Variants in SCAI observed in about 807,000 individuals in gnomAD.
SCAI encodes suppressor of cancer cell invasion.
SCAI carries 24 observed loss-of-function variants against 92.2 expected under a neutral mutation model. The ratio of observed to expected loss-of-function variants is 0.26; its 90% CI spans 0.19 to 0.37. The LOEUF is 0.37. SCAI is among the 10% of genes least tolerant of loss of function. SCAI has a pLI of 1.00. For missense variants in SCAI, 450 were observed against 736.2 expected (o/e 0.61, Z 4.50); for synonymous variants, 261 against 258.6 (o/e 1.01, Z -0.09).
At chr9:125,021,078 C>T (rs1832860862) in intron 6 of SCAI, among the ~76,000 whole-genome samples, 1 of 151,984 alleles carries the variant, frequency 6.6e-6, no homozygotes, top group African/African-American at 2.4e-5. Context: ...CAGAAAAGAA[C>T]TTAAAATATA....
chr9:124,988,590 T>C (rs1255127030), intron 14 of SCAI, among the ~76,000 whole-genome samples: 11 of 151,614 alleles, frequency 7.3e-5, no homozygotes, highest in Middle Eastern at 6.9e-3. Context: ...AATAGACAAA[T>C]GAAAAATCTC....
chr9:125,051,745 AAACT>A lies in SCAI; in HGVS notation c.230+4127_230+4130del, dbSNP rs567202909. Among the ~76,000 whole-genome samples, 18 of 152,352 alleles carry A rather than the reference AAACT, an allele frequency of 1.2e-4. No individual in the cohort carries two copies. In the South Asian group the frequency reaches 1.4e-3, roughly 12 times the overall value. ...TTTTTCTGATTTAAAAAATAACATA[AAACT>A]AACATTCCACTCCATACACAAAAAT... On this transcript the variant is annotated intron_variant, in intron 3 of 17. Coordinates refer to ENST00000336505, the MANE Select transcript of SCAI (RefSeq NM_001144877.3).
intron 14 of SCAI, among the ~76,000 whole-genome samples, chr9:124,982,305 C>T (rs1387212135): frequency 6.6e-6 from 1 of 152,092 alleles, no homozygotes; most frequent in African/African-American, 2.4e-5. Context: ...TGTGGCCTAA[C>T]TGCTACAGAA....
intron 3 of SCAI, among the ~76,000 whole-genome samples, chr9:125,055,294 G>A (rs1237314183): frequency 6.6e-6 from 1 of 151,970 alleles, no homozygotes; most frequent in African/African-American, 2.4e-5. Context: ...GAAGCTTTAG[G>A]TCTGAAGTCA....
chr9:125,142,695 AAGAC>A lies in SCAI; in HGVS notation c.54-22_54-19del, dbSNP rs1225481713. On this transcript the variant is annotated intron_variant, in intron 1 of 17. Coordinates refer to ENST00000336505, the MANE Select transcript of SCAI (RefSeq NM_001144877.3). ...CAGTCAGTCTGCAGACCAAACAAAT[AAGAC>A]GGTAACTAAAAGTAACATACAAGAA... 6.2e-7 allele frequency: 1 copy of A among 1,611,292 alleles called. No homozygotes were observed. Among genetic ancestry groups the A allele is most frequent in the Non-Finnish European group, 8.5e-7 (1 of 1,177,512 alleles).
intron 2 of SCAI, among the ~76,000 whole-genome samples, chr9:125,134,244 A>G (rs1835466879): frequency 6.6e-6 from 1 of 152,128 alleles, no homozygotes; most frequent in South Asian, 2.1e-4. Flanking sequence ...CACTACCACT[A>G]TGCAGAATTC....
intron 17 of SCAI, among the ~76,000 whole-genome samples, chr9:124,955,477 T>C (rs143900728): frequency 0.017 from 2,526 of 151,658 alleles, 71 homozygotes; most frequent in African/African-American, 0.059. Context: ...AAAAATTAGC[T>C]GGGCATGGTG....
chr9:124,985,849 G>A (rs1279312891), intron 14 of SCAI, among the ~76,000 whole-genome samples: 1 of 140,592 alleles, frequency 7.1e-6, no homozygotes, highest in Non-Finnish European at 1.5e-5. Context: ...GGCAACAAGA[G>A]TGAAACTCTG....
At chr9:125,106,122 A>AAAATATATAT (rs1554791724) in intron 2 of SCAI, among the ~76,000 whole-genome samples, 1 of 8,864 alleles carries the variant, frequency 1.1e-4, no homozygotes, top group African/African-American at 2.3e-4. Context: ...AAAAAAAAAA[A>AAAATATATAT]ATATATATAT....
chr9:125,034,763 A>G (rs1360219820), intron 3 of SCAI, among the ~76,000 whole-genome samples: 1 of 151,942 alleles, frequency 6.6e-6, no homozygotes, highest in East Asian at 1.9e-4. Flanking sequence ...AAACAAACCC[A>G]AAAAACAAAT....
chr9:125,032,799 T>C (rs1002045334), intron 3 of SCAI, among the ~76,000 whole-genome samples: 2 of 151,494 alleles, frequency 1.3e-5, no homozygotes, highest in African/African-American at 2.4e-5. Flanking sequence ...TTTTTTTAAG[T>C]AGAGAAGGGG....
chr9:125,008,443 G>T (rs925011919), intron 9 of SCAI, among the ~76,000 whole-genome samples: 5 of 152,152 alleles, frequency 3.3e-5, no homozygotes, highest in Admixed American at 1.3e-4. Context: ...CCTGATATTT[G>T]TATTTTTTGT....
intron 3 of SCAI, among the ~76,000 whole-genome samples, chr9:125,054,187 C>T (rs1395570659): frequency 6.6e-6 from 1 of 152,150 alleles, no homozygotes; most frequent in Admixed American, 6.5e-5. Context: ...GTTGCCCAGG[C>T]TGATCTCAAA....
chr9:125,083,280 G>A (rs1834258510), intron 2 of SCAI, among the ~76,000 whole-genome samples: 1 of 152,102 alleles, frequency 6.6e-6, no homozygotes, highest in African/African-American at 2.4e-5. Context: ...CACTTTAGGA[G>A]GCTGGGGCAG....
intron 2 of SCAI, among the ~76,000 whole-genome samples, chr9:125,138,777 G>C (rs770317095): frequency 5.9e-5 from 9 of 151,980 alleles, no homozygotes; most frequent in Non-Finnish European, 8.8e-5. Context: ...TCAAACTCCC[G>C]ACCTCAGGTG....
chr9:125,042,640 C>CGTGTGTGTGTGTGT (rs1564390407), intron 3 of SCAI, among the ~76,000 whole-genome samples: 3 of 78,610 alleles, frequency 3.8e-5, no homozygotes, highest in Non-Finnish European at 5.3e-5. Flanking sequence ...TGTGTACACA[C>CGTGTGTGTGTGTGT]ACACACACAC....
intron 9 of SCAI, 35 bp downstream of exon 9, chr9:125,018,764 T>A: frequency 6.4e-7 from 1 of 1,552,930 alleles, no homozygotes; most frequent in Non-Finnish European, 8.8e-7. Context: ...TTTTTCACAG[T>A]GAATTTTAAG....
At chr9:124,961,329 T>G (rs1831430981) in intron 17 of SCAI, among the ~76,000 whole-genome samples, 1 of 151,116 alleles carries the variant, frequency 6.6e-6, no homozygotes, top group African/African-American at 2.4e-5. Flanking sequence ...GTGGGTGACG[T>G]CCGCAATTTA....
chr9:125,037,864 C>G (rs982899875), intron 3 of SCAI, among the ~76,000 whole-genome samples: 1 of 151,804 alleles, frequency 6.6e-6, no homozygotes, highest in African/African-American at 2.4e-5. Context: ...TGCAGTGAGC[C>G]GAGATTGTGC....
Sources: gnomAD v4.1 joint callset for allele counts (sites outside exome capture counted in the v4.1 genomes callset) on GRCh38, gnomAD v4.1.1 for gene constraint, MANE v1.5 for transcripts, NCBI Gene and HGNC (gene_info 2026-07-23, HGNC 2026-07-21) for gene names.